Variants in MEP1A observed in about 807,000 individuals in gnomAD.
The protein encoded by MEP1A is meprin A subunit alpha.
MEP1A carries 68 observed loss-of-function variants against 84.5 expected under a neutral mutation model. The ratio of observed to expected loss-of-function variants is 0.80; its 90% CI spans 0.66 to 0.98. The LOEUF is 0.98. MEP1A is among the 50% of genes least tolerant of loss of function. MEP1A has a pLI of 0.00. For missense variants in MEP1A, 887 were observed against 919.9 expected (o/e 0.96, Z 0.46); for synonymous variants, 337 against 336.8 (o/e 1.00, Z -0.01).
At chr6:46,801,255 C>A (rs1184882984) in intron 5 of MEP1A, among the ~76,000 whole-genome samples, 5 of 152,130 alleles carry the variant, frequency 3.3e-5, no homozygotes, top group African/African-American at 1.2e-4. Flanking sequence ...ATGAGTGTTT[C>A]ATTTGCTCCA....
intron 3 of MEP1A, among the ~76,000 whole-genome samples, chr6:46,797,494 C>T (rs996537721): frequency 7.9e-5 from 12 of 152,318 alleles, no homozygotes; most frequent in East Asian, 7.7e-4. Flanking sequence ...TTTGGAGATA[C>T]GGTTTAGAAT....
chr6:46,837,476 T>C (rs1451600685), intron 13 of MEP1A, among the ~76,000 whole-genome samples: 4 of 152,346 alleles, frequency 2.6e-5, no homozygotes, highest in South Asian at 2.1e-4. Flanking sequence ...TCAATCACTC[T>C]TCCAAGAAGC....
chr6:46,798,530 C>T (rs1377098538), intron 3 of MEP1A, 76 bp from the exon 4 acceptor site: 7 of 1,183,588 alleles, frequency 5.9e-6, no homozygotes, highest in Non-Finnish European at 7.5e-6. Flanking sequence ...ATGGCAAATA[C>T]TAATTTTATT....
At chr6:46,832,632 C>T (rs887586312) in intron 10 of MEP1A, among the ~76,000 whole-genome samples, 2 of 152,150 alleles carry the variant, frequency 1.3e-5, no homozygotes, top group African/African-American at 4.8e-5. Flanking sequence ...TTCAGCATTC[C>T]TTATAGCTCT....
At position 46,826,426 on chromosome 6, in the gene MEP1A, G is replaced by A. The variant is rs781318908; in HGVS notation, c.851G>A (p.Arg284Lys). Residue 284 changes from arginine to lysine, a missense_variant, in exon 9 of 14, where the codon AGA (arginine) becomes AAA (lysine). Arg to Lys is a conservative substitution (Grantham distance 26). Transcript: ENST00000230588. ...ANICGMIQGT[R>K]DDTDWAHQDS... ...ATCTGTGGAATGATTCAGGGCACCA[G>A]AGATGACACTGACTGGGCCCATCAG... The A allele has an allele frequency of 3.1e-6, 5 of 1,609,686 alleles. No homozygotes were observed. The South Asian group carries it at 5.6e-5, about 18-fold the overall frequency.
chr6:46,807,839 GGAAGA>G (rs1562107178), intron 5 of MEP1A, among the ~76,000 whole-genome samples: 17 of 110,940 alleles, frequency 1.5e-4, no homozygotes, highest in Admixed American at 2.8e-4. Context: ...AAGAAAGAAA[GGAAGA>G]AAGGAAATAA....
At chr6:46,798,673 G>C in intron 4 of MEP1A, 27 bp downstream of exon 4, 1 of 1,608,726 alleles carries the variant, frequency 6.2e-7, no homozygotes, top group Non-Finnish European at 8.5e-7. Flanking sequence ...GATGCAATAA[G>C]TTTCTCAGGA....
At chr6:46,796,118 C>G (rs1767047263) in intron 3 of MEP1A, among the ~76,000 whole-genome samples, 1 of 152,186 alleles carries the variant, frequency 6.6e-6, no homozygotes, top group African/African-American at 2.4e-5. Context: ...CCCAAGCCAG[C>G]AGCATCGGCA....
At chr6:46,834,231 T>A (rs1233099857) in intron 11 of MEP1A, among the ~76,000 whole-genome samples, 2 of 151,794 alleles carry the variant, frequency 1.3e-5, no homozygotes, top group Non-Finnish European at 2.9e-5. Context: ...CACTAATTTT[T>A]TTTTTTTTCA....
chr6:46,807,803 GA>G lies in MEP1A; in HGVS notation c.263-1614del, dbSNP rs1178237868. On this transcript the variant is annotated intron_variant, in intron 5 of 13. Transcript: ENST00000230588. Reference sequence around the variant, plus strand: ...AGAAAGAAAGAAAGAAAGAAAGAAAGAAAGAAAGAAAGAAAGAAAGAAAGAA... The same window carrying G: ...AGAAAGAAAGAAAGAAAGAAAGAAAGAAGAAAGAAAGAAAGAAAGAAAGAA... Among the ~76,000 whole-genome samples the G allele has an allele frequency of 2.6e-3, 388 of 147,600 alleles. 5 individuals carry two copies. Among genetic ancestry groups the G allele is most frequent in the Middle Eastern group, 0.017 (5 of 290 alleles).
chr6:46,793,799 A>G, intron 3 of MEP1A, 83 bp downstream of exon 3: 1 of 982,300 alleles, frequency 1.0e-6, no homozygotes, highest in Non-Finnish European at 1.6e-6. Context: ...CCTTCCTAAT[A>G]CTGTATTGTG....
chr6:46,833,459 C>A lies in MEP1A; in HGVS notation c.1530C>A (p.Ile510=). Residue 510 remains isoleucine (I), a synonymous_variant, in exon 11 of 14, where the codon ATC becomes ATA. Transcript: ENST00000230588. ...AAAACAGACAGGTGATAATTACCAT[C>A]CTTGACCAGGAGCCTGATGTCCGGA... ...PVENRQVIIT[I]LDQEPDVRNR... 6.2e-7 allele frequency: 1 copy of A among 1,614,178 alleles called. No individual in the cohort carries two copies.
chr6:46,821,559 G>A (rs531172791), intron 7 of MEP1A, among the ~76,000 whole-genome samples: 1 of 152,296 alleles, frequency 6.6e-6, no homozygotes, highest in African/African-American at 2.4e-5. Context: ...ATTAGACTTT[G>A]TCTATATTTG....
intron 11 of MEP1A, among the ~76,000 whole-genome samples, chr6:46,834,040 A>T (rs533673024): frequency 6.7e-6 from 1 of 149,338 alleles, no homozygotes; most frequent in African/African-American, 2.5e-5. Context: ...GTAATGGCGC[A>T]TTCTCGGCTC....
intron 13 of MEP1A, among the ~76,000 whole-genome samples, chr6:46,838,447 G>A (rs1191599242): frequency 2.0e-5 from 3 of 152,186 alleles, no homozygotes; most frequent in Non-Finnish European, 2.9e-5. Context: ...ATTATCTCAT[G>A]TGAACTTCAG....
chr6:46,824,973 A>T (rs185550395), intron 7 of MEP1A, among the ~76,000 whole-genome samples: 2,934 of 125,698 alleles, frequency 0.023, 201 homozygotes, highest in South Asian at 0.035. Flanking sequence ...ATTTAAATAT[A>T]TATAAATTAT....
downstream of MEP1A, among the ~76,000 whole-genome samples, chr6:46,843,013 C>T (rs1264452981): frequency 4.6e-5 from 7 of 152,078 alleles, no homozygotes; most frequent in Admixed American, 2.6e-4. Flanking sequence ...AAGTGCTCCA[C>T]CTCCAAGCCT....
intron 13 of MEP1A, among the ~76,000 whole-genome samples, chr6:46,836,134 G>A (rs185870885): frequency 6.6e-6 from 1 of 152,270 alleles, no homozygotes; most frequent in African/African-American, 2.4e-5. Context: ...CCCGTTTAGT[G>A]TGTCAAGAAG....
Position 46,826,362 on chromosome 6 carries a change from C to A in MEP1A, c.787C>A (p.His263Asn). 6.3e-7 allele frequency: 1 copy of A among 1,594,810 alleles called. No individual in the cohort carries two copies. The highest frequency in any genetic ancestry group is 1.2e-5 in the South Asian group (1 of 85,756). The change falls in exon 9 of 14, where the codon CAC (histidine) becomes AAC (asparagine). Residue 263 changes from histidine (H) to asparagine (N), a missense_variant. By Grantham distance (68) the His-to-Asn change is moderately conservative. Coordinates refer to ENST00000230588, the MANE Select transcript of MEP1A (RefSeq NM_005588.3). ...AAAAATATAATTTGCAGCCACAACTCACACTCTTTTGGACCACTGTACTTT... is the reference window on the plus strand; with the variant it reads ...AAAAATATAATTTGCAGCCACAACTAACACTCTTTTGGACCACTGTACTTT... ...LNRMYNCTTT[H>N]TLLDHCTFEK...
Sources: gnomAD v4.1 joint callset for allele counts (sites outside exome capture counted in the v4.1 genomes callset) on GRCh38, gnomAD v4.1.1 for gene constraint, MANE v1.5 for transcripts, NCBI Gene and HGNC (gene_info 2026-07-23, HGNC 2026-07-21) for gene names.